The following VPS8 variants were observed in gnomAD, a reference collection of about 807,000 sequenced individuals.
VPS8 encodes the protein VPS8 subunit of CORVET complex.
A neutral mutation model predicts 216.4 loss-of-function variants in VPS8; 129 were observed. The ratio of observed to expected loss-of-function variants is 0.60; its 90% CI spans 0.52 to 0.69. VPS8 has a LOEUF of 0.69. VPS8 is among the 30% of genes least tolerant of loss of function. VPS8 has a pLI of 0.00. For missense variants in VPS8, 1,531 were observed against 1,683.5 expected (o/e 0.91, Z 1.59); for synonymous variants, 571 against 565.4 (o/e 1.01, Z -0.14).
Position 184,936,817 on chromosome 3 carries a change from G to A in VPS8, c.2988+482G>A, listed in dbSNP as rs547474747. Among the ~76,000 whole-genome samples, 255 of 150,590 alleles carry A rather than the reference G, an allele frequency of 1.7e-3. 1 individual carries two copies. The highest frequency in any genetic ancestry group is 1.7e-3 in the Non-Finnish European group (112 of 67,692). On this transcript the variant is annotated intron_variant, in intron 35 of 47. Coordinates refer to ENST00000625842, the MANE Select transcript of VPS8 (RefSeq NM_001009921.3). ...CAGTGGTGTGATCTCCACTCATTGC[G>A]AGCTCCGCCTCCCGGGTTCAAGCCA...
intron 39 of VPS8, among the ~76,000 whole-genome samples, chr3:184,968,374 T>C (rs1340317811): frequency 6.6e-6 from 1 of 152,202 alleles, no homozygotes; most frequent in Non-Finnish European, 1.5e-5. Flanking sequence ...AAGAGCTGGC[T>C]CTCAATTCTT....
chr3:184,982,741 A>T, intron 41 of VPS8, 94 bp downstream of exon 41: 2 of 1,047,444 alleles, frequency 1.9e-6, no homozygotes, highest in South Asian at 3.3e-5. Context: ...TTTTTCCAAT[A>T]GCATATTCTT....
intron 45 of VPS8, among the ~76,000 whole-genome samples, chr3:185,019,157 C>G (rs1046084864): frequency 5.3e-5 from 8 of 152,138 alleles, no homozygotes; most frequent in Admixed American, 5.2e-4. Context: ...CCTGATGCTC[C>G]CAAGCTCCCC....
chr3:185,009,785 G>A (rs751090552), intron 45 of VPS8, among the ~76,000 whole-genome samples: 2 of 152,070 alleles, frequency 1.3e-5, no homozygotes, highest in African/African-American at 2.4e-5. Context: ...GAGGGAGAAC[G>A]AAGGCAGAGC....
intron 46 of VPS8, among the ~76,000 whole-genome samples, chr3:185,036,531 T>G (rs544168199): frequency 6.6e-6 from 1 of 151,890 alleles, no homozygotes; most frequent in Non-Finnish European, 1.5e-5. Context: ...ATTTAATAAA[T>G]GGTGCTGTAT....
chr3:184,894,757 A>G lies in VPS8; in HGVS notation c.1836A>G (p.Lys612=), dbSNP rs1480099874. 6.2e-7 allele frequency: 1 copy of G among 1,609,622 alleles called. No homozygotes were observed. The highest frequency in any genetic ancestry group is 8.5e-7 in the Non-Finnish European group (1 of 1,177,790). Reference sequence around the variant, plus strand: ...AATTAAGTGAGAATTCAGTGGCCAAAGGAGTATTTTTGGAGTGCCTTGAGC... The same window carrying G: ...AATTAAGTGAGAATTCAGTGGCCAAGGGAGTATTTTTGGAGTGCCTTGAGC... ...YDKLSENSVA[K]GVFLECLEPY... is the part of the protein sequence containing the mutation. Residue 612 remains lysine, a synonymous_variant, in exon 23 of 48, where the codon AAA becomes AAG. Transcript: ENST00000625842.
chr3:185,022,385 G>GT (rs1756785877), intron 45 of VPS8, among the ~76,000 whole-genome samples: 1 of 152,066 alleles, frequency 6.6e-6, no homozygotes, highest in African/African-American at 2.4e-5. Flanking sequence ...TATATTTAAT[G>GT]TTTTTGCTAG....
chr3:184,905,040 G>T (rs141312863), intron 25 of VPS8, among the ~76,000 whole-genome samples: 53 of 152,278 alleles, frequency 3.5e-4, no homozygotes, highest in African/African-American at 1.2e-3. Context: ...AGTTGGAAGG[G>T]CAAGTGGGAA....
At chr3:184,892,785 T>C (rs1269702780) in intron 22 of VPS8, among the ~76,000 whole-genome samples, 1 of 152,188 alleles carries the variant, frequency 6.6e-6, no homozygotes, top group South Asian at 2.1e-4. Context: ...TTGTAGCCTT[T>C]ACTGAATTTT....
intron 5 of VPS8, among the ~76,000 whole-genome samples, chr3:184,835,769 G>C (rs1720955323): frequency 6.7e-6 from 1 of 150,000 alleles, no homozygotes; most frequent in African/African-American, 2.5e-5. Context: ...GAGTGCAGTG[G>C]CACGACCTCA....
chr3:185,030,227 T>C (rs910554686), intron 46 of VPS8, among the ~76,000 whole-genome samples: 5 of 152,210 alleles, frequency 3.3e-5, no homozygotes, highest in African/African-American at 1.2e-4. Flanking sequence ...ACCACTCAGC[T>C]ATGATGCATC....
rs1001161652 is a variant in VPS8, at chr3:184,868,066, TCCAAGTAATTTCACA to T, written c.1506+8_1506+22del. On this transcript the variant is annotated splice_region_variant and intron_variant, in intron 18 of 47. Transcript: ENST00000625842. ...GCTGAGGAGCTGGAGAGAGGTGAGT[TCCAAGTAATTTCACA>T]TGTCAGAGTTACTGAATTGGTAGCT... 4 of 1,612,672 alleles carry T rather than the reference TCCAAGTAATTTCACA, an allele frequency of 2.5e-6. No homozygotes were observed. Among genetic ancestry groups the T allele is most frequent in the Non-Finnish European group, 3.4e-6 (4 of 1,179,506 alleles).
At chr3:184,915,288 A>G in intron 27 of VPS8, 67 bp from the exon 28 acceptor site, 1 of 1,548,770 alleles carries the variant, frequency 6.5e-7, no homozygotes, top group Non-Finnish European at 8.7e-7. Context: ...TCCAAATGAG[A>G]ATCACTGCTT....
intron 45 of VPS8, among the ~76,000 whole-genome samples, chr3:185,008,400 A>G (rs1435131575): frequency 6.6e-6 from 1 of 152,234 alleles, no homozygotes; most frequent in African/African-American, 2.4e-5. Context: ...ACAAAAAAAT[A>G]ACCATAGTTC....
At chr3:184,950,222 T>TTTTTTTTTTTTTTTTTTTTTTTTG (rs1744441334) in intron 36 of VPS8, among the ~76,000 whole-genome samples, 1 of 120,148 alleles carries the variant, frequency 8.3e-6, no homozygotes, top group Non-Finnish European at 1.7e-5. Flanking sequence ...TCTGCTTTTT[T>TTTTTTTTTTTTTTTTTTTTTTTTG]TTTTTTTTTT....
chr3:185,023,639 C>G (rs903930015), intron 45 of VPS8, among the ~76,000 whole-genome samples: 1 of 151,954 alleles, frequency 6.6e-6, no homozygotes, highest in Non-Finnish European at 1.5e-5. Context: ...GCCTGAGCAA[C>G]AGAAGCGAAA....
At chr3:184,860,404 C>CATATATAT (rs1726087900) in intron 15 of VPS8, among the ~76,000 whole-genome samples, 2 of 145,718 alleles carry the variant, frequency 1.4e-5, no homozygotes, top group African/African-American at 5.1e-5. Context: ...TGTATGTATA[C>CATATATAT]GTATATATGT....
At chr3:185,001,558 C>G (rs1350191261) in intron 45 of VPS8, among the ~76,000 whole-genome samples, 1 of 152,190 alleles carries the variant, frequency 6.6e-6, no homozygotes, top group Non-Finnish European at 1.5e-5. Flanking sequence ...AATGTCTACA[C>G]CAACCCATAA....
At chr3:185,006,639 C>T (rs1173705332) in intron 45 of VPS8, among the ~76,000 whole-genome samples, 2 of 152,118 alleles carry the variant, frequency 1.3e-5, no homozygotes, top group Non-Finnish European at 2.9e-5. Flanking sequence ...GAAAGTTTTA[C>T]TTTGCCCCCT....
Sources: allele counts gnomAD v4.1 joint callset (sites outside exome capture counted in the v4.1 genomes callset), GRCh38; gene constraint gnomAD v4.1.1; transcripts MANE v1.5; gene names NCBI Gene and HGNC (gene_info 2026-07-23, HGNC 2026-07-21).